Variants in MINDY4 observed in about 807,000 individuals in gnomAD.
MINDY4 encodes probable ubiquitin carboxyl-terminal hydrolase MINDY-4.
Under a neutral mutation model 87.0 loss-of-function variants are expected in MINDY4, and 68 were observed. That is an observed-to-expected ratio of 0.78 (90% CI 0.64 to 0.96). The LOEUF (loss-of-function observed/expected upper bound fraction) is 0.96. Ranked by LOEUF, MINDY4 falls within the 40% of genes least tolerant of loss-of-function variation. The pLI is 0.00. For synonymous variants in MINDY4, 379 were observed against 363.2 expected (o/e 1.04, Z -0.50); for missense variants, 919 against 928.2 (o/e 0.99, Z 0.13).
At chr7:30,817,873 G>C (rs1190719025) in intron 5 of MINDY4, among the ~76,000 whole-genome samples, 1 of 152,192 alleles carries the variant, frequency 6.6e-6, no homozygotes, top group South Asian at 2.1e-4. Context: ...TCTGTTTCAC[G>C]TGGGAGAGTG....
intron 5 of MINDY4, among the ~76,000 whole-genome samples, chr7:30,814,073 G>A (rs1788082499): frequency 1.3e-5 from 2 of 152,160 alleles, no homozygotes; most frequent in South Asian, 4.1e-4. Context: ...AAAAATACTG[G>A]AGGACCAGCG....
At chr7:30,789,210 G>A (rs995861365) in intron 4 of MINDY4, among the ~76,000 whole-genome samples, 1 of 152,208 alleles carries the variant, frequency 6.6e-6, no homozygotes, top group Non-Finnish European at 1.5e-5. Context: ...TTAGCATGAC[G>A]TCCTGATCAT....
chr7:30,784,309 A>G (rs1043317500), intron 3 of MINDY4, among the ~76,000 whole-genome samples: 1 of 152,200 alleles, frequency 6.6e-6, no homozygotes, highest in Non-Finnish European at 1.5e-5. Flanking sequence ...CTCGTCCGTC[A>G]TCTTCTGCAT....
intron 5 of MINDY4, among the ~76,000 whole-genome samples, chr7:30,807,581 AAAG>A (rs777449516): frequency 4.7e-4 from 72 of 152,196 alleles, no homozygotes; most frequent in Non-Finnish European, 9.4e-4. Context: ...GCCTCCAAAG[AAAG>A]AAGAAGTAAA....
chr7:30,821,189 G>T (rs1347996349), intron 5 of MINDY4, among the ~76,000 whole-genome samples: 1 of 152,120 alleles, frequency 6.6e-6, no homozygotes. Context: ...TAAATTAGTT[G>T]CTATTATTAT....
intron 5 of MINDY4, among the ~76,000 whole-genome samples, chr7:30,821,617 A>G (rs1788334045): frequency 6.6e-6 from 1 of 152,202 alleles, no homozygotes; most frequent in African/African-American, 2.4e-5. Context: ...ATGTCTGGAA[A>G]GTTCTTAGCA....
chr7:30,831,501 G>C (rs947901850), intron 6 of MINDY4, among the ~76,000 whole-genome samples: 5 of 152,184 alleles, frequency 3.3e-5, no homozygotes, highest in Non-Finnish European at 5.9e-5. Flanking sequence ...AAGGCAACAG[G>C]GGGGCAGGAT....
At chr7:30,842,313 G>A (rs1382981875) in intron 9 of MINDY4, among the ~76,000 whole-genome samples, 2 of 152,174 alleles carry the variant, frequency 1.3e-5, no homozygotes, top group East Asian at 3.9e-4. Context: ...GCCTGCTCTG[G>A]AAGTTCAGCC....
At chr7:30,815,312 C>T (rs1788114302) in intron 5 of MINDY4, among the ~76,000 whole-genome samples, 1 of 152,338 alleles carries the variant, frequency 6.6e-6, no homozygotes, top group East Asian at 1.9e-4. Context: ...GCTCTTACAC[C>T]ATCCTTGGGA....
chr7:30,794,511 G>A (rs923444623), intron 5 of MINDY4, among the ~76,000 whole-genome samples: 3 of 152,254 alleles, frequency 2.0e-5, no homozygotes, highest in East Asian at 1.9e-4. Flanking sequence ...GCACAGGTGG[G>A]GTTAGGGGGC....
In MINDY4 at chr7:30,882,045, G is replaced by A. The variant is rs1790478734; in HGVS notation, c.1972-136G>A. 9 of 880,408 alleles carry A rather than the reference G, an allele frequency of 1.0e-5. No individual in the cohort carries two copies. In the East Asian group the frequency reaches 1.7e-4, roughly 17 times the overall value. 54.5% of individuals were successfully genotyped at this position (880,408 alleles called of 1,614,324 possible). A position where few individuals can be genotyped will look rare whatever the true frequency, so the allele number is the denominator to read the frequency against. ...GCCCAGTGGCCTGAGCAGCGTGAGG[G>A]GCTCCCAGCATCAGACACAAACGTG... On this transcript the variant is annotated intron_variant, in intron 15 of 17. Transcript: ENST00000265299.
At chr7:30,880,918 C>T (rs1790446258) in intron 15 of MINDY4, among the ~76,000 whole-genome samples, 1 of 152,170 alleles carries the variant, frequency 6.6e-6, no homozygotes, top group Non-Finnish European at 1.5e-5. Context: ...GGTTCAGGAC[C>T]TTCAGAGCAC....
At chr7:30,788,917 A>T (rs1328884349) in intron 4 of MINDY4, among the ~76,000 whole-genome samples, 1 of 152,194 alleles carries the variant, frequency 6.6e-6, no homozygotes, top group African/African-American at 2.4e-5. Context: ...TCCTCGGTGA[A>T]GTCAGCACTT....
intron 4 of MINDY4, among the ~76,000 whole-genome samples, chr7:30,789,590 A>G (rs1787258985): frequency 6.6e-6 from 1 of 152,232 alleles, no homozygotes; most frequent in Non-Finnish European, 1.5e-5. Context: ...CTCCTCGGGA[A>G]TGGTGACTAA....
chr7:30,873,544 T>A (rs1790170342), intron 14 of MINDY4, among the ~76,000 whole-genome samples: 2 of 152,134 alleles, frequency 1.3e-5, no homozygotes, highest in Admixed American at 6.5e-5. Context: ...ATTCAGTGGG[T>A]CTGGGCTGGG....
intron 6 of MINDY4, among the ~76,000 whole-genome samples, chr7:30,835,824 C>T (rs1379988474): frequency 6.6e-6 from 1 of 152,244 alleles, no homozygotes; most frequent in African/African-American, 2.4e-5. Flanking sequence ...TCCTTTATCA[C>T]TGTGTTCTGG....
chr7:30,874,976 G>A (rs929144194), intron 14 of MINDY4, among the ~76,000 whole-genome samples: 3 of 152,234 alleles, frequency 2.0e-5, no homozygotes, highest in African/African-American at 4.8e-5. Context: ...AAATAAAAAG[G>A]TTTCTTTAAA....
chr7:30,771,707 C>T, intron 1 of MINDY4, 151 bp downstream of exon 1: 1 of 775,266 alleles, frequency 1.3e-6, no homozygotes, highest in South Asian at 1.9e-5. Flanking sequence ...GCCGCTTTCC[C>T]GGGACAGGGG....
intron 5 of MINDY4, among the ~76,000 whole-genome samples, chr7:30,816,494 C>T (rs1234768905): frequency 6.6e-6 from 1 of 152,188 alleles, no homozygotes; most frequent in Non-Finnish European, 1.5e-5. Context: ...AACCATCACC[C>T]CGACAGAACA....
Sources: gnomAD v4.1 joint callset for allele counts (sites outside exome capture counted in the v4.1 genomes callset) on GRCh38, gnomAD v4.1.1 for gene constraint, MANE v1.5 for transcripts, NCBI Gene and HGNC (gene_info 2026-07-23, HGNC 2026-07-21) for gene names.